The following EVL variants were observed in gnomAD, a reference collection of about 807,000 sequenced individuals.
The protein encoded by EVL is ena/VASP-like protein.
A neutral mutation model predicts 59.6 loss-of-function variants in EVL; 21 were observed. The ratio of observed to expected loss-of-function variants is 0.35; its 90% CI spans 0.25 to 0.51. The LOEUF (loss-of-function observed/expected upper bound fraction) is 0.51, where lower values mean the gene tolerates loss of function less well. EVL is among the 20% of genes least tolerant of loss of function. EVL has a pLI of 0.97. For synonymous variants in EVL, 198 were observed against 203.5 expected (o/e 0.97, Z 0.23); for missense variants, 462 against 546.6 (o/e 0.85, Z 1.54).
intron 1 of EVL, among the ~76,000 whole-genome samples, chr14:99,980,532 G>A (rs2060799585): frequency 6.6e-6 from 1 of 152,194 alleles, no homozygotes; most frequent in Non-Finnish European, 1.5e-5. Flanking sequence ...TATTGATATT[G>A]GAGTTCTACA....
chr14:100,094,913 C>T (rs183800881), intron 2 of EVL, among the ~76,000 whole-genome samples: 5 of 149,572 alleles, frequency 3.3e-5, no homozygotes, highest in South Asian at 4.3e-4. Flanking sequence ...TGGTGGCAGG[C>T]GTCTATAGTT....
At chr14:100,088,415 G>A (rs1052353152) in intron 2 of EVL, among the ~76,000 whole-genome samples, 1 of 152,216 alleles carries the variant, frequency 6.6e-6, no homozygotes, top group East Asian at 1.9e-4. Flanking sequence ...CCTGAGAAAT[G>A]CGCCCCTGGG....
intron 1 of EVL, among the ~76,000 whole-genome samples, chr14:100,033,589 A>T (rs1414650573): frequency 6.6e-6 from 1 of 152,188 alleles, no homozygotes; most frequent in Non-Finnish European, 1.5e-5. Context: ...GTATTCTAGC[A>T]ATGTTTGTTT....
intron 2 of EVL, among the ~76,000 whole-genome samples, chr14:100,093,275 A>T (rs2062602872): frequency 6.6e-6 from 1 of 152,238 alleles, no homozygotes; most frequent in Non-Finnish European, 1.5e-5. Flanking sequence ...GCTTACAGGG[A>T]TATATCCTGT....
intron 3 of EVL, among the ~76,000 whole-genome samples, chr14:100,115,412 C>T (rs1887275681): frequency 6.6e-6 from 1 of 152,252 alleles, no homozygotes; most frequent in African/African-American, 2.4e-5. Flanking sequence ...CCCTGCTGTC[C>T]TTTGTCAGAA....
At chr14:99,988,210 C>G (rs2140175930) in intron 1 of EVL, among the ~76,000 whole-genome samples, 1 of 152,188 alleles carries the variant, frequency 6.6e-6, no homozygotes, top group East Asian at 1.9e-4. Flanking sequence ...GCCGCCGTGC[C>G]TGGCCAAGAC....
chr14:100,077,966 G>A (rs1287988825), intron 1 of EVL, among the ~76,000 whole-genome samples: 1 of 151,920 alleles, frequency 6.6e-6, no homozygotes, highest in Non-Finnish European at 1.5e-5. Flanking sequence ...TAGTAGAGAT[G>A]GGGTTTCACC....
At chr14:100,084,239 G>A (rs1241393421) in intron 1 of EVL, among the ~76,000 whole-genome samples, 2 of 151,842 alleles carry the variant, frequency 1.3e-5, no homozygotes, top group Non-Finnish European at 2.9e-5. Flanking sequence ...TTTAGAGGCA[G>A]GGGGCATCTC....
At chr14:100,066,137 T>C (rs1363608823) in intron 1 of EVL, among the ~76,000 whole-genome samples, 1 of 152,232 alleles carries the variant, frequency 6.6e-6, no homozygotes, top group Non-Finnish European at 1.5e-5. Flanking sequence ...TGAAAGATTA[T>C]AGATGATAGG....
chr14:100,144,030 C>A lies in EVL; in HGVS notation c.*292C>A. On this transcript the variant is annotated 3_prime_UTR_variant, in exon 14 of 14. Transcript: ENST00000392920. ...GGTTTCTAGAGACGCCCCTAAGTCA[C>A]CTGCTTCATTAGACGGTTTCCAGGT... 2.2e-6 allele frequency: 1 copy of A among 460,194 alleles called. No individual in the cohort carries two copies. The highest frequency in any genetic ancestry group is 3.9e-5 in the East Asian group (1 of 25,924). 28.5% of individuals were successfully genotyped at this position (460,194 alleles called of 1,614,324 possible). A position where few individuals can be genotyped will look rare whatever the true frequency, so the allele number is the denominator to read the frequency against.
rs1018319699 is a variant in EVL, at chr14:100,143,802, A to G, written c.*64A>G. On this transcript the variant is annotated 3_prime_UTR_variant, in exon 14 of 14. Transcript: ENST00000392920. Reference sequence around the variant, plus strand: ...GGCGACAGAGGACAGCCAGAAGCCCAGCCAGCCCCAGACTCCAGTGCACCA... The same window carrying G: ...GGCGACAGAGGACAGCCAGAAGCCCGGCCAGCCCCAGACTCCAGTGCACCA... The G allele has an allele frequency of 7.5e-5, 119 of 1,576,978 alleles. No individual in the cohort carries two copies. Among genetic ancestry groups the G allele is most frequent in the Admixed American group, 1.4e-4 (8 of 56,180 alleles).
intron 13 of EVL, 142 bp from the exon 14 acceptor site, chr14:100,143,559 A>T: frequency 1.0e-6 from 1 of 986,230 alleles, no homozygotes; most frequent in South Asian, 1.4e-5. Context: ...CCAGAGGTCT[A>T]TGCCAAAGCC....
intron 1 of EVL, among the ~76,000 whole-genome samples, chr14:100,077,729 T>G (rs1377453441): frequency 3.3e-5 from 5 of 152,190 alleles, no homozygotes; most frequent in African/African-American, 1.2e-4. Context: ...GATTTGTGTT[T>G]TAATAAACAC....
At chr14:100,105,838 C>T (rs1886531647) in intron 3 of EVL, among the ~76,000 whole-genome samples, 1 of 152,074 alleles carries the variant, frequency 6.6e-6, no homozygotes, top group Non-Finnish European at 1.5e-5. Flanking sequence ...GCCGCTTGGC[C>T]ACATCCCAAC....
Position 100,130,394 on chromosome 14 carries a change from G to A in EVL, c.839+710G>A, listed in dbSNP as rs1888358637. Among the ~76,000 whole-genome samples, 1 of 152,220 alleles carries A rather than the reference G, an allele frequency of 6.6e-6. No individual in the cohort carries two copies. The highest frequency in any genetic ancestry group is 2.4e-5 in the African/African-American group (1 of 41,458). On this transcript the variant is annotated intron_variant, in intron 7 of 13. Transcript: ENST00000392920. The surrounding 1 kb of genome is among the most constrained non-coding windows in gnomAD (Gnocchi z 4.8). ...TTAAATATGACTTGGCATCAGGAAT[G>A]TGCTCACCTTGGACTACCAATATCG...
At chr14:100,001,141 T>C (rs2060943782) in intron 1 of EVL, among the ~76,000 whole-genome samples, 1 of 152,192 alleles carries the variant, frequency 6.6e-6, no homozygotes, top group Non-Finnish European at 1.5e-5. Flanking sequence ...AGTAGGCAGG[T>C]ATGAAAGTGG....
At chr14:99,998,949 T>A (rs2060929989) in intron 1 of EVL, among the ~76,000 whole-genome samples, 1 of 152,156 alleles carries the variant, frequency 6.6e-6, no homozygotes, top group Non-Finnish European at 1.5e-5. Flanking sequence ...AATATTATGA[T>A]GGTGCATAAG....
At chr14:100,019,593 A>G in intron 1 of EVL, 2 of 1,362,846 alleles carry the variant, frequency 1.5e-6, no homozygotes, top group Non-Finnish European at 2.0e-6. Context: ...GCACCATCTG[A>G]CTAACTAAAT....
In EVL at chr14:100,072,771, C is replaced by T. The variant is rs184803735; in HGVS notation, c.11+7260C>T. Among the ~76,000 whole-genome samples, 1,084 of 152,180 alleles carry T rather than the reference C, an allele frequency of 7.1e-3. 7 individuals are homozygous for T. The highest frequency in any genetic ancestry group is 0.012 in the Non-Finnish European group (820 of 68,010). Reference sequence around the variant, plus strand: ...GGTAAAAGAGTGTCCCTTACATGTTCCTGTAGGTTTGAAATTTTTCAGATT... The same window carrying T: ...GGTAAAAGAGTGTCCCTTACATGTTTCTGTAGGTTTGAAATTTTTCAGATT... On this transcript the variant is annotated intron_variant, in intron 1 of 13. Transcript: ENST00000392920.
Sources: gnomAD v4.1 joint callset for allele counts (sites outside exome capture counted in the v4.1 genomes callset) on GRCh38, gnomAD v4.1.1 for gene constraint, Gnocchi (gnomAD v3.1) non-coding constraint, MANE v1.5 for transcripts, NCBI Gene and HGNC (gene_info 2026-07-23, HGNC 2026-07-21) for gene names.